The following DISP1 variants were observed in gnomAD, a reference collection of about 807,000 sequenced individuals.
DISP1 encodes protein dispatched homolog 1.
A neutral mutation model predicts 37.3 loss-of-function variants in DISP1; 30 were observed. The ratio of observed to expected loss-of-function variants is 0.80; its 90% CI spans 0.60 to 1.09. The LOEUF (loss-of-function observed/expected upper bound fraction) is 1.09. Ranked by LOEUF, DISP1 falls within the 50% of genes least tolerant of loss-of-function variation. The pLI is 0.00. For missense variants in DISP1, 1,598 were observed against 1,879.5 expected (o/e 0.85, Z 2.77); for synonymous variants, 634 against 690.2 (o/e 0.92, Z 1.28).
chr1:222,917,405 G>A (rs1055090373), intron 1 of DISP1, among the ~76,000 whole-genome samples: 2 of 152,260 alleles, frequency 1.3e-5, no homozygotes, highest in South Asian at 2.1e-4. Flanking sequence ...AATGAGGAAG[G>A]TATGCTGGAA....
At chr1:222,890,657 A>G (rs939025215) in intron 1 of DISP1, among the ~76,000 whole-genome samples, 1 of 152,144 alleles carries the variant, frequency 6.6e-6, no homozygotes, top group Admixed American at 6.5e-5. Context: ...AAGTATGACA[A>G]ACTGGGTGGT....
At chr1:222,950,756 A>C (rs953983678) in intron 3 of DISP1, among the ~76,000 whole-genome samples, 1 of 152,206 alleles carries the variant, frequency 6.6e-6, no homozygotes, top group Non-Finnish European at 1.5e-5. Context: ...AGCCAGTCAC[A>C]TTCCACGTGT....
intron 1 of DISP1, among the ~76,000 whole-genome samples, chr1:222,825,499 CTTTT>C (rs954921482): frequency 1.5e-5 from 2 of 131,810 alleles, no homozygotes; most frequent in Non-Finnish European, 1.6e-5. Flanking sequence ...ACCTGTTTCT[CTTTT>C]TTTTTTTTTT....
chr1:222,863,516 G>A (rs1308510001), intron 1 of DISP1, among the ~76,000 whole-genome samples: 3 of 149,248 alleles, frequency 2.0e-5, no homozygotes, highest in Admixed American at 6.7e-5. Context: ...CAGCATGGGT[G>A]ACAGATTGAG....
At chr1:222,887,493 T>A (rs201378121) in intron 1 of DISP1, among the ~76,000 whole-genome samples, 5 of 102,158 alleles carry the variant, frequency 4.9e-5, no homozygotes, top group South Asian at 3.5e-4. Flanking sequence ...TTTGTTTTTT[T>A]TTTTTTTTTT....
chr1:222,920,599 C>T (rs753823974), intron 1 of DISP1, among the ~76,000 whole-genome samples: 6 of 152,028 alleles, frequency 3.9e-5, no homozygotes, highest in Admixed American at 1.3e-4. Flanking sequence ...GTGTGAAATC[C>T]GCAATAAACT....
chr1:222,852,052 C>T (rs1275194298), intron 1 of DISP1, among the ~76,000 whole-genome samples: 5 of 151,792 alleles, frequency 3.3e-5, no homozygotes, highest in African/African-American at 7.3e-5. Flanking sequence ...GGTGTGGTGG[C>T]GCATGCCTGT....
At chr1:222,856,591 T>C (rs1223239980) in intron 1 of DISP1, among the ~76,000 whole-genome samples, 1 of 152,184 alleles carries the variant, frequency 6.6e-6, no homozygotes, top group Non-Finnish European at 1.5e-5. Flanking sequence ...TTTTTGGAAG[T>C]TGGTGTCATG....
intron 1 of DISP1, among the ~76,000 whole-genome samples, chr1:222,860,711 C>A (rs995862002): frequency 6.6e-6 from 1 of 151,884 alleles, no homozygotes; most frequent in East Asian, 2.0e-4. Context: ...ATGGTGAAAC[C>A]CCATCTCTAC....
intron 3 of DISP1, 121 bp downstream of exon 3, chr1:222,943,453 G>A (rs538243820): frequency 8.0e-6 from 11 of 1,378,004 alleles, no homozygotes; most frequent in African/African-American, 4.3e-5. Flanking sequence ...ACATGAAAAC[G>A]CATATTCTGT....
chr1:222,909,078 T>C lies in DISP1; in HGVS notation c.-158-19352T>C, dbSNP rs532314572. 1.2e-4 allele frequency among the ~76,000 whole-genome samples: 19 copies of C among 152,286 alleles called. 1 individual carries two copies. The highest frequency in any genetic ancestry group is 4.1e-4 in the African/African-American group (17 of 41,562). ...TCAAAACCATTCAAGTTGATTCATG[T>C]TCATTTCAGTTTTTGATTCAAGATA... On this transcript the variant is annotated intron_variant, in intron 1 of 8. Coordinates refer to ENST00000675850, the MANE Select transcript of DISP1 (RefSeq NM_001377229.1).
chr1:222,904,629 G>A (rs964349668), intron 1 of DISP1, among the ~76,000 whole-genome samples: 8 of 150,120 alleles, frequency 5.3e-5, no homozygotes, highest in African/African-American at 1.2e-4. Context: ...GCATAGTAGC[G>A]CGGTCTCGGC....
chr1:222,871,262 T>C (rs939620420), intron 1 of DISP1, among the ~76,000 whole-genome samples: 1 of 152,212 alleles, frequency 6.6e-6, no homozygotes, highest in African/African-American at 2.4e-5. Context: ...TAGGATTGAC[T>C]TGGCAATGTG....
chr1:222,862,447 T>C (rs938129501), intron 1 of DISP1, among the ~76,000 whole-genome samples: 2 of 152,078 alleles, frequency 1.3e-5, no homozygotes, highest in African/African-American at 4.8e-5. Context: ...AATCTAGTAA[T>C]TTAACATTGA....
chr1:222,946,586 G>A (rs1237936439), intron 3 of DISP1, among the ~76,000 whole-genome samples: 1 of 152,076 alleles, frequency 6.6e-6, no homozygotes, highest in Non-Finnish European at 1.5e-5. Context: ...ATATGTGCCA[G>A]GCACCGAGGA....
intron 2 of DISP1, among the ~76,000 whole-genome samples, chr1:222,941,362 A>G (rs1474234893): frequency 1.3e-5 from 2 of 152,212 alleles, no homozygotes; most frequent in Non-Finnish European, 2.9e-5. Flanking sequence ...TCATTGTAAA[A>G]GGAAGTTTGG....
rs563162631 is a variant in DISP1 at position 222,826,795 on chromosome 1, A to T, written c.-159+11717A>T. 1.1e-4 allele frequency among the ~76,000 whole-genome samples: 17 copies of T among 152,294 alleles called. No individual in the cohort carries two copies. The South Asian group carries it at 3.1e-3, about 28-fold the overall frequency. On this transcript the variant is annotated intron_variant, in intron 1 of 8. Coordinates refer to ENST00000675850, the MANE Select transcript of DISP1 (RefSeq NM_001377229.1). The stretch of plus-strand genomic sequence containing the variant: ...ATGGATATTAAAATTATCCACTCCT[A>T]TCAGGGAGCTACTAACTAAAATGTA...
chr1:222,921,089 C>T (rs1303299440), intron 1 of DISP1, among the ~76,000 whole-genome samples: 2 of 152,154 alleles, frequency 1.3e-5, no homozygotes, highest in African/African-American at 4.8e-5. Context: ...GCGGGCAGAT[C>T]TCCTGAGCTC....
At chr1:222,869,469 A>G (rs1003645403) in intron 1 of DISP1, among the ~76,000 whole-genome samples, 4 of 152,126 alleles carry the variant, frequency 2.6e-5, no homozygotes, top group African/African-American at 9.6e-5. Flanking sequence ...CTCTTGTTAT[A>G]AGTTTCTATT....
Sources: gnomAD v4.1 joint callset for allele counts (sites outside exome capture counted in the v4.1 genomes callset) on GRCh38, gnomAD v4.1.1 for gene constraint, MANE v1.5 for transcripts, NCBI Gene and HGNC (gene_info 2026-07-23, HGNC 2026-07-21) for gene names.